Variants in SNX31 observed in about 807,000 individuals in gnomAD.
The protein encoded by SNX31 is sorting nexin-31.
In SNX31, 58 loss-of-function variants were observed where a neutral mutation model predicts 65.4. The ratio of observed to expected loss-of-function variants is 0.89; its 90% confidence interval spans 0.72 to 1.10. The LOEUF is 1.10. Among genes scored for constraint, SNX31 ranks in the 50% least tolerant of loss-of-function variants. The probability of loss-of-function intolerance (pLI) is 0.00; values close to 1 mark genes in which losing one functional copy is unlikely to be tolerated. For synonymous variants in SNX31, 181 were observed against 190.1 expected (o/e 0.95, Z 0.39); for missense variants, 523 against 529.7 (o/e 0.99, Z 0.12).
At position 100,649,609 on chromosome 8, in the gene SNX31, C is replaced by G; in HGVS notation, c.-95G>C. On this transcript the variant is annotated 5_prime_UTR_variant, in exon 1 of 14. Coordinates refer to ENST00000311812, the MANE Select transcript of SNX31 (RefSeq NM_152628.4). ...CTCGGCAGCGGTGGACGCAGCGCGGCCTGCCACGCGACTCAGAGCGAACCC... is the reference window on the plus strand; with the variant it reads ...CTCGGCAGCGGTGGACGCAGCGCGGGCTGCCACGCGACTCAGAGCGAACCC... 7.9e-7 allele frequency: 1 copy of G among 1,259,184 alleles called. No homozygotes were observed. The highest frequency in any genetic ancestry group is 1.1e-6 in the Non-Finnish European group (1 of 902,012). 78.0% of individuals were successfully genotyped at this position (1,259,184 alleles called of 1,614,324 possible).
chr8:100,616,560 T>C (rs148087818), intron 5 of SNX31, among the ~76,000 whole-genome samples: 80 of 152,300 alleles, frequency 5.3e-4, no homozygotes, highest in African/African-American at 1.9e-3. Flanking sequence ...TGATACTTTT[T>C]AGAAAGACTA....
chr8:100,642,773 A>G (rs1819348036), intron 2 of SNX31, among the ~76,000 whole-genome samples: 1 of 152,238 alleles, frequency 6.6e-6, no homozygotes, highest in Non-Finnish European at 1.5e-5. Context: ...CTGTCTTTCA[A>G]AAAACTGTTT....
chr8:100,662,833 T>C (rs1442030027), intron 1 of SNX31, among the ~76,000 whole-genome samples: 1 of 152,246 alleles, frequency 6.6e-6, no homozygotes, highest in African/African-American at 2.4e-5. Context: ...ATTTGCTCAG[T>C]GCTAGAAATA....
At chr8:100,583,531 C>T (rs1178171430) in intron 12 of SNX31, among the ~76,000 whole-genome samples, 3 of 152,144 alleles carry the variant, frequency 2.0e-5, no homozygotes, top group African/African-American at 7.2e-5. Context: ...AGCCTTCTCA[C>T]CAACCTTTTT....
chr8:100,637,323 A>G (rs1818849083), intron 2 of SNX31, among the ~76,000 whole-genome samples: 1 of 152,194 alleles, frequency 6.6e-6, no homozygotes, highest in Admixed American at 6.5e-5. Flanking sequence ...CAGAAACCCA[A>G]TCAGGTTTTG....
In SNX31 at chr8:100,604,258, A is replaced by G. The variant is rs892468411; in HGVS notation, c.682-3817T>C. 6.6e-6 allele frequency among the ~76,000 whole-genome samples: 1 copy of G among 152,192 alleles called. No individual in the cohort carries two copies. The highest frequency in any genetic ancestry group is 2.4e-5 in the African/African-American group (1 of 41,456). ...AGCATCCTAAAGGTGCTGCAGATAG[A>G]AAAAAAGAAAAAAATAATAAAATTA... On this transcript the variant is annotated intron_variant, in intron 8 of 13. Coordinates refer to ENST00000311812, the MANE Select transcript of SNX31 (RefSeq NM_152628.4). The surrounding 1 kb of genome is among the most constrained non-coding windows in gnomAD (Gnocchi z 4.3).
intron 4 of SNX31, among the ~76,000 whole-genome samples, chr8:100,628,704 A>C (rs58553676): frequency 4.5e-4 from 68 of 151,834 alleles, no homozygotes; most frequent in African/African-American, 1.6e-3. Flanking sequence ...ACAAACCTGC[A>C]TATTGTGCAC....
At chr8:100,582,312 T>G (rs894228717) in intron 12 of SNX31, 4 of 152,224 alleles carry the variant, frequency 2.6e-5, no homozygotes, top group African/African-American at 9.6e-5. Context: ...TTGAGAGCAC[T>G]TCTCCCTTTT....
In SNX31 at chr8:100,573,227, A is replaced by G. The variant is rs1812776952; in HGVS notation, c.*638T>C. The G allele has an allele frequency of 6.7e-6, 1 of 149,116 alleles. No homozygotes were observed. 9.2% of individuals were successfully genotyped at this position (149,116 alleles called of 1,614,324 possible). On this transcript the variant is annotated 3_prime_UTR_variant, in exon 14 of 14. Transcript: ENST00000311812. ...ACTCTAAGGACAGAATAAAATTATA[A>G]CAATGGTCAAGCAGAGAACAGGGCA...
intron 4 of SNX31, among the ~76,000 whole-genome samples, chr8:100,628,625 T>G (rs374162967): frequency 2.2e-4 from 33 of 152,116 alleles, no homozygotes; most frequent in East Asian, 5.8e-4. Context: ...AGCATTAGGA[T>G]ATATACCTAA....
intron 8 of SNX31, among the ~76,000 whole-genome samples, chr8:100,602,701 G>A (rs1815753744): frequency 6.6e-6 from 1 of 152,188 alleles, no homozygotes; most frequent in Admixed American, 6.5e-5. Context: ...GGTGATAACT[G>A]AGATCACTAC....
chr8:100,644,494 A>G (rs1447840106), intron 2 of SNX31, among the ~76,000 whole-genome samples: 1 of 152,124 alleles, frequency 6.6e-6, no homozygotes, highest in Non-Finnish European at 1.5e-5. Context: ...GGGGCCAGCC[A>G]GTTCACACAG....
At chr8:100,663,576 AAAG>A (rs1244698086), upstream of SNX31, among the ~76,000 whole-genome samples, 3 of 152,186 alleles carry the variant, frequency 2.0e-5, no homozygotes, top group Admixed American at 6.5e-5. Context: ...AAGGTCCTAT[AAAG>A]AAGATTTTGT....
intron 4 of SNX31, among the ~76,000 whole-genome samples, chr8:100,623,379 A>G (rs976308156): frequency 6.6e-6 from 1 of 152,228 alleles, no homozygotes; most frequent in Non-Finnish European, 1.5e-5. Context: ...AACACTGGGA[A>G]CTACAATTCA....
At chr8:100,627,451 A>C (rs529436486) in intron 4 of SNX31, among the ~76,000 whole-genome samples, 1 of 152,370 alleles carries the variant, frequency 6.6e-6, no homozygotes, top group South Asian at 2.1e-4. Flanking sequence ...AATGCACCCC[A>C]AAAAGACGAC....
At chr8:100,643,127 A>C (rs1175037664) in intron 2 of SNX31, among the ~76,000 whole-genome samples, 1 of 151,864 alleles carries the variant, frequency 6.6e-6, no homozygotes, top group Non-Finnish European at 1.5e-5. Context: ...GGGGGGGTGG[A>C]GGTTGCAGTG....
intron 10 of SNX31, among the ~76,000 whole-genome samples, chr8:100,591,488 CAAAA>C (rs71274986): frequency 7.7e-5 from 6 of 77,524 alleles, no homozygotes; most frequent in Admixed American, 1.4e-4. Flanking sequence ...GACTCCGTCT[CAAAA>C]AAAAAAAAAA....
rs750057211 is a variant in SNX31, at chr8:100,614,261, TAA to T, written c.433-1178_433-1177del. 2.0e-5 allele frequency among the ~76,000 whole-genome samples: 3 copies of T among 152,174 alleles called. No individual in the cohort carries two copies. Among genetic ancestry groups the T allele is most frequent in the Non-Finnish European group, 4.4e-5 (3 of 68,032 alleles). The stretch of plus-strand genomic sequence containing the variant: ...AAGTGTGTGGTAGGTAACAGCATAG[TAA>T]AGACATCTTTCCCAGAGTAAACCTG... On this transcript the variant is annotated intron_variant, in intron 5 of 13. Coordinates refer to ENST00000311812, the MANE Select transcript of SNX31 (RefSeq NM_152628.4). This position sits in a 1 kb window ranked among gnomAD's most constrained non-coding sequence, Gnocchi z 5.1.
Position 100,622,926 on chromosome 8 carries a change from C to A in SNX31, c.322-5196G>T, listed in dbSNP as rs908722521. On this transcript the variant is annotated intron_variant, in intron 4 of 13. Coordinates refer to ENST00000311812, the MANE Select transcript of SNX31 (RefSeq NM_152628.4). This position sits in a 1 kb window ranked among gnomAD's most constrained non-coding sequence, Gnocchi z 5.0. Reference sequence around the variant, plus strand: ...GTAAGAGGTTAAAGCGCCACCCAACCTGCTGCCATTGGCCAGGATGGACAA... The same window carrying A: ...GTAAGAGGTTAAAGCGCCACCCAACATGCTGCCATTGGCCAGGATGGACAA... Among the ~76,000 whole-genome samples, 1 of 152,230 alleles carries A rather than the reference C, an allele frequency of 6.6e-6. No individual in the cohort carries two copies. The highest frequency in any genetic ancestry group is 1.5e-5 in the Non-Finnish European group (1 of 68,042).
Sources: gnomAD v4.1 joint callset for allele counts (sites outside exome capture counted in the v4.1 genomes callset) on GRCh38, gnomAD v4.1.1 for gene constraint, Gnocchi (gnomAD v3.1) non-coding constraint, MANE v1.5 for transcripts, NCBI Gene and HGNC (gene_info 2026-07-23, HGNC 2026-07-21) for gene names.